The following ATXN7L1 variants were observed in gnomAD, a reference collection of about 807,000 sequenced individuals.
ATXN7L1 encodes ataxin-7-like protein 1.
ATXN7L1 carries 15 observed loss-of-function variants against 70.8 expected under a neutral mutation model. That is an observed-to-expected ratio of 0.21 (90% CI 0.14 to 0.33). The LOEUF (loss-of-function observed/expected upper bound fraction) is 0.33. ATXN7L1 is among the 10% of genes least tolerant of loss of function. ATXN7L1 has a pLI of 1.00. For missense variants in ATXN7L1, 975 were observed against 1,097.1 expected, an observed-to-expected ratio of 0.89 and a Z score of 1.57; for synonymous variants, 440 against 445.1, an observed-to-expected ratio of 0.99 and a Z score of 0.14.
At position 105,610,646 on chromosome 7, in the gene ATXN7L1, C is replaced by G. The variant is rs778106575; in HGVS notation, c.2473-43G>C. The G allele has an allele frequency of 3.0e-5, 46 of 1,518,302 alleles. No homozygotes were observed. The East Asian group carries it at 3.2e-4, about 11-fold the overall frequency. 94.1% of individuals were successfully genotyped at this position (1,518,302 alleles called of 1,614,324 possible). A position where few individuals can be genotyped will look rare whatever the true frequency, so the allele number is the denominator to read the frequency against. ...AGCCCCACTCAGACACACGAGCCAG[C>G]CTGGGAAGGGCCCGCCGATGCCACA... On this transcript the variant is annotated intron_variant, in intron 10 of 11. Coordinates refer to ENST00000419735, the MANE Select transcript of ATXN7L1 (RefSeq NM_020725.2).
intron 7 of ATXN7L1, among the ~76,000 whole-genome samples, chr7:105,637,472 T>C (rs1269499434): frequency 1.3e-5 from 2 of 152,224 alleles, no homozygotes; most frequent in African/African-American, 4.8e-5. Context: ...TATGGATACT[T>C]GTACCTCATT....
chr7:105,664,551 C>CAT (rs1166221059), intron 4 of ATXN7L1, among the ~76,000 whole-genome samples: 2 of 122,540 alleles, frequency 1.6e-5, no homozygotes, highest in East Asian at 2.8e-4. Flanking sequence ...GTATAATATA[C>CAT]ATATATATAT....
chr7:105,647,552 C>T (rs2115958267), intron 4 of ATXN7L1, among the ~76,000 whole-genome samples: 1 of 152,344 alleles, frequency 6.6e-6, no homozygotes, highest in East Asian at 1.9e-4. Context: ...GAGGCTGAGG[C>T]AGGAGAATCG....
chr7:105,776,036 T>C (rs975198253), intron 3 of ATXN7L1, among the ~76,000 whole-genome samples: 1 of 152,210 alleles, frequency 6.6e-6, no homozygotes, highest in Non-Finnish European at 1.5e-5. Flanking sequence ...GCTTCTCTGC[T>C]TATGGCTCAG....
chr7:105,637,691 T>C (rs1351889430), intron 7 of ATXN7L1, among the ~76,000 whole-genome samples: 3 of 152,324 alleles, frequency 2.0e-5, no homozygotes, highest in African/African-American at 7.2e-5. Context: ...TTAATCCAAA[T>C]GAGTGTTAAT....
At chr7:105,716,295 CA>C (rs1794537153) in intron 3 of ATXN7L1, among the ~76,000 whole-genome samples, 1 of 152,106 alleles carries the variant, frequency 6.6e-6, no homozygotes, top group Non-Finnish European at 1.5e-5. Context: ...AGTTACTCTT[CA>C]TATCTGTAAT....
At chr7:105,811,557 G>C (rs928597367) in intron 2 of ATXN7L1, among the ~76,000 whole-genome samples, 4 of 152,206 alleles carry the variant, frequency 2.6e-5, no homozygotes, top group African/African-American at 9.7e-5. Context: ...CAGGTGGTGG[G>C]ATGTCTGAGT....
intron 10 of ATXN7L1, among the ~76,000 whole-genome samples, chr7:105,610,919 G>A (rs1793091121): frequency 6.6e-6 from 1 of 152,222 alleles, no homozygotes; most frequent in African/African-American, 2.4e-5. Context: ...CCCCTCCTGG[G>A]AGCTTCACTC....
intron 2 of ATXN7L1, among the ~76,000 whole-genome samples, chr7:105,820,435 A>C (rs1809974337): frequency 6.6e-6 from 1 of 152,122 alleles, no homozygotes; most frequent in Admixed American, 6.5e-5. Context: ...AAGGTATTAA[A>C]GTTGGAGCAA....
At chr7:105,807,261 A>G (rs1278582755) in intron 2 of ATXN7L1, among the ~76,000 whole-genome samples, 1 of 152,242 alleles carries the variant, frequency 6.6e-6, no homozygotes, top group Non-Finnish European at 1.5e-5. Flanking sequence ...GACCCAGCTT[A>G]GAGGTGAAGA....
At chr7:105,743,628 T>C (rs563924912) in intron 3 of ATXN7L1, among the ~76,000 whole-genome samples, 3 of 152,132 alleles carry the variant, frequency 2.0e-5, no homozygotes, top group Non-Finnish European at 4.4e-5. Context: ...CATAGCTGCA[T>C]TGCAGCAGCC....
intron 7 of ATXN7L1, among the ~76,000 whole-genome samples, chr7:105,628,887 T>C (rs1024640851): frequency 1.3e-5 from 2 of 151,594 alleles, no homozygotes; most frequent in African/African-American, 4.8e-5. Flanking sequence ...ATGTGTACAC[T>C]GTAAAATGAT....
At chr7:105,815,790 G>A (rs1449925144) in intron 2 of ATXN7L1, among the ~76,000 whole-genome samples, 1 of 152,204 alleles carries the variant, frequency 6.6e-6, no homozygotes, top group Admixed American at 6.5e-5. Flanking sequence ...GCTTGCCTAG[G>A]GAATCACAAG....
At chr7:105,818,707 C>A (rs371061990) in intron 2 of ATXN7L1, among the ~76,000 whole-genome samples, 1 of 152,160 alleles carries the variant, frequency 6.6e-6, no homozygotes, top group African/African-American at 2.4e-5. Flanking sequence ...AAAGATGCAG[C>A]ACACATTGAA....
In ATXN7L1 at chr7:105,836,168, G is replaced by A. The variant is rs550409184; in HGVS notation, c.250+39644C>T. On this transcript the variant is annotated intron_variant, in intron 2 of 11. Transcript: ENST00000419735. ...GGGAGAAGGGGCATGGGATGGCACT[G>A]GGCTATGGGGGACCAGAGATGAAAC... Among the ~76,000 whole-genome samples, 3 of 152,298 alleles carry A rather than the reference G, an allele frequency of 2.0e-5. No individual in the cohort carries two copies. The South Asian group carries it at 6.2e-4, about 32-fold the overall frequency.
At chr7:105,715,924 G>A (rs1438389194) in intron 3 of ATXN7L1, among the ~76,000 whole-genome samples, 2 of 152,150 alleles carry the variant, frequency 1.3e-5, no homozygotes. Flanking sequence ...TGCTGTGACT[G>A]GAGCGTCCTA....
chr7:105,700,922 T>A (rs116815592), intron 3 of ATXN7L1, among the ~76,000 whole-genome samples: 2,108 of 152,298 alleles, frequency 0.014, 46 homozygotes, highest in African/African-American at 0.049. Context: ...GTTCAAGTGA[T>A]CTGCCTGCCT....
intron 3 of ATXN7L1, among the ~76,000 whole-genome samples, chr7:105,667,148 G>A (rs1802731409): frequency 6.6e-6 from 1 of 152,210 alleles, no homozygotes; most frequent in South Asian, 2.1e-4. Flanking sequence ...AAATTGTACT[G>A]GCTTTTACAA....
At chr7:105,624,518 C>A (rs186032762) in intron 7 of ATXN7L1, among the ~76,000 whole-genome samples, 2,619 of 152,116 alleles carry the variant, frequency 0.017, 32 homozygotes, top group Non-Finnish European at 0.027. Flanking sequence ...GGCATGGTGG[C>A]GCGTGCCTGT....
Sources: gnomAD v4.1 joint callset for allele counts (sites outside exome capture counted in the v4.1 genomes callset) on GRCh38, gnomAD v4.1.1 for gene constraint, MANE v1.5 for transcripts, NCBI Gene and HGNC (gene_info 2026-07-23, HGNC 2026-07-21) for gene names.